TSC22D1: variants seen among roughly 807,000 people sequenced by gnomAD.
TSC22D1 encodes the protein TSC22 domain family protein 1.
A neutral mutation model predicts 74.2 loss-of-function variants in TSC22D1; 9 were observed. The observed-to-expected ratio is 0.12, with a 90% CI of 0.07 to 0.21. The LOEUF (loss-of-function observed/expected upper bound fraction) is 0.21. Ranked by LOEUF, TSC22D1 falls within the 10% of genes least tolerant of loss-of-function variation. The probability of loss-of-function intolerance (pLI) is 1.00; values close to 1 mark genes in which losing one functional copy is unlikely to be tolerated. For synonymous variants in TSC22D1, 586 were observed against 492.5 expected (o/e 1.19, Z -2.51); for missense variants, 1,427 against 1,304.7 (o/e 1.09, Z -1.44).
chr13:44,519,935 ATAC>A (rs1399188819), intron 1 of TSC22D1, among the ~76,000 whole-genome samples: 1 of 152,208 alleles, frequency 6.6e-6, no homozygotes, highest in Non-Finnish European at 1.5e-5. Context: ...GGTTTCCAGC[ATAC>A]ATAACTGAAC....
chr13:44,440,536 T>C (rs1875104475), intron 1 of TSC22D1, among the ~76,000 whole-genome samples: 2 of 136,862 alleles, frequency 1.5e-5, no homozygotes, highest in Admixed American at 1.7e-4. Flanking sequence ...TGCAGTGAGC[T>C]GAGATCGCAT....
At chr13:44,562,831 G>A (rs1464764782) in intron 1 of TSC22D1, among the ~76,000 whole-genome samples, 2 of 152,132 alleles carry the variant, frequency 1.3e-5, no homozygotes. Context: ...ATTGAGCCGG[G>A]AGCCGTGGCT....
intron 1 of TSC22D1, among the ~76,000 whole-genome samples, chr13:44,460,037 G>A (rs1051598776): frequency 2.0e-5 from 3 of 152,186 alleles, no homozygotes; most frequent in African/African-American, 7.2e-5. Flanking sequence ...CTCCAGCAAA[G>A]GTACCCCCAG....
At chr13:44,538,642 TATTTC>T in intron 1 of TSC22D1, 1 of 985,406 alleles carries the variant, frequency 1.0e-6, no homozygotes, top group Non-Finnish European at 1.2e-6. Flanking sequence ...CTGAAAAGAT[TATTTC>T]ATTATTTGGG....
rs142196258 is a variant in TSC22D1 at position 44,465,222 on chromosome 13, G to A, written c.2913-29127C>T. On this transcript the variant is annotated intron_variant, in intron 1 of 2. Transcript: ENST00000458659. ...CTAATATGGAAATAGCATGTGTGAA[G>A]GTTTAAAGCACAGAGACAGGAATAC... is the stretch of plus-strand genomic sequence containing the variant. Among the ~76,000 whole-genome samples the A allele has an allele frequency of 1.5e-3, 222 of 152,244 alleles. 4 individuals are homozygous for A. In the East Asian group the frequency reaches 0.041, roughly 28 times the overall value.
At chr13:44,562,369 T>A (rs1386822142) in intron 1 of TSC22D1, among the ~76,000 whole-genome samples, 1 of 152,192 alleles carries the variant, frequency 6.6e-6, no homozygotes, top group African/African-American at 2.4e-5. Context: ...TATATATGTA[T>A]CTACAAACAT....
intron 1 of TSC22D1, among the ~76,000 whole-genome samples, chr13:44,528,660 T>A (rs924963756): frequency 1.3e-5 from 2 of 151,428 alleles, no homozygotes; most frequent in African/African-American, 4.8e-5. Flanking sequence ...AGAAATCAGA[T>A]CAGAAATCAA....
intron 1 of TSC22D1, among the ~76,000 whole-genome samples, chr13:44,478,864 T>C (rs1878043822): frequency 6.6e-6 from 1 of 152,032 alleles, no homozygotes; most frequent in African/African-American, 2.4e-5. Flanking sequence ...GAATTTTTGC[T>C]ATGTCTGATA....
At chr13:44,545,444 T>C (rs1432136590) in intron 1 of TSC22D1, among the ~76,000 whole-genome samples, 1 of 152,168 alleles carries the variant, frequency 6.6e-6, no homozygotes, top group Non-Finnish European at 1.5e-5. Context: ...ATCTCTAAAT[T>C]GCTCTAACAA....
chr13:44,434,885 T>C lies in TSC22D1; in HGVS notation c.2965-2A>G. 1.9e-6 allele frequency: 3 copies of C among 1,609,578 alleles called. No homozygotes were observed. Among genetic ancestry groups the C allele is most frequent in the Non-Finnish European group, 1.7e-6 (2 of 1,177,932 alleles). ...CATCAAATGGCTTTTCACTAGATCC[T>C]GGAAAGAAGACAGAAAAGGTTTAAC... On this transcript the variant is annotated splice_acceptor_variant, in intron 2 of 2. Transcript: ENST00000458659. LOFTEE classifies it high-confidence loss of function.
At chr13:44,534,182 A>T (rs1488892294) in intron 1 of TSC22D1, among the ~76,000 whole-genome samples, 1 of 150,676 alleles carries the variant, frequency 6.6e-6, no homozygotes, top group Non-Finnish European at 1.5e-5. Flanking sequence ...GCCAGGATTG[A>T]GCCACTGCAC....
intron 1 of TSC22D1, chr13:44,538,899 A>G: frequency 1.0e-6 from 1 of 985,410 alleles, no homozygotes; most frequent in Non-Finnish European, 1.2e-6. Context: ...CTGGGCAATT[A>G]AAGAACAAAT....
intron 1 of TSC22D1, among the ~76,000 whole-genome samples, chr13:44,505,221 G>T (rs1879393019): frequency 6.6e-6 from 1 of 152,148 alleles, no homozygotes; most frequent in Non-Finnish European, 1.5e-5. Flanking sequence ...TTGAAGCCAG[G>T]CGCTTGAGTC....
chr13:44,508,545 T>C (rs1375689696), intron 1 of TSC22D1, among the ~76,000 whole-genome samples: 2 of 152,138 alleles, frequency 1.3e-5, no homozygotes, highest in Admixed American at 6.5e-5. Context: ...CAGCTTCCAC[T>C]CTTATTCCTC....
At chr13:44,564,683 G>C (rs769813311) in intron 1 of TSC22D1, among the ~76,000 whole-genome samples, 32 of 152,096 alleles carry the variant, frequency 2.1e-4, no homozygotes, top group Admixed American at 5.9e-4. Context: ...GGCTTAAAAG[G>C]GGTTCTGGCC....
chr13:44,436,402 C>A (rs374128082), intron 1 of TSC22D1: 7 of 1,395,598 alleles, frequency 5.0e-6, no homozygotes, highest in South Asian at 4.0e-5. Flanking sequence ...TCACCATAAT[C>A]TCTCAGCAAT....
intron 1 of TSC22D1, among the ~76,000 whole-genome samples, chr13:44,444,515 A>C (rs1566114620): frequency 6.6e-6 from 1 of 151,904 alleles, no homozygotes. Context: ...ACAATAAAAG[A>C]AAGCTGAGGT....
At position 44,514,791 on chromosome 13, in the gene TSC22D1, C is replaced by T. The variant is rs150239616; in HGVS notation, c.2912+58372G>A. On this transcript the variant is annotated intron_variant, in intron 1 of 2. Transcript: ENST00000458659. ...AGGAGAATTGCTTGTACCCAGGAGA[C>T]GGAGGTTGCAGTGAGCCGAGATCGC... 3.0e-3 allele frequency among the ~76,000 whole-genome samples: 453 copies of T among 152,106 alleles called. 7 individuals are homozygous for T. The highest frequency in any genetic ancestry group is 0.025 in the South Asian group (120 of 4,822).
chr13:44,531,631 C>T lies in TSC22D1; in HGVS notation c.2912+41532G>A, dbSNP rs538685995. On this transcript the variant is annotated intron_variant, in intron 1 of 2. Coordinates refer to ENST00000458659, the MANE Select transcript of TSC22D1 (RefSeq NM_183422.4). ...CTAAATCAGGCAAGACAGGATATAT[C>T]CTAACTCAACCAGTGTTTCTCAAAT... Among the ~76,000 whole-genome samples the T allele has an allele frequency of 3.1e-4, 47 of 152,242 alleles. 1 individual carries two copies. In the South Asian group the frequency reaches 8.7e-3, roughly 28 times the overall value.
Sources: gnomAD v4.1 joint callset for allele counts (sites outside exome capture counted in the v4.1 genomes callset) on GRCh38, gnomAD v4.1.1 for gene constraint, MANE v1.5 for transcripts, NCBI Gene and HGNC (gene_info 2026-07-23, HGNC 2026-07-21) for gene names.